The following NMNAT2 variants were observed in gnomAD, a reference collection of about 807,000 sequenced individuals.
The protein encoded by NMNAT2 is nicotinamide nucleotide adenylyltransferase 2, also known as nicotinamide/nicotinic acid mononucleotide adenylyltransferase 2.
A neutral mutation model predicts 41.6 loss-of-function variants in NMNAT2; 11 were observed. The observed-to-expected ratio is 0.26, with a 90% confidence interval of 0.17 to 0.44. The LOEUF (loss-of-function observed/expected upper bound fraction) is 0.44. NMNAT2 is among the 20% of genes least tolerant of loss of function. The pLI is 1.00. For missense variants in NMNAT2, 288 were observed against 407.7 expected (o/e 0.71, Z 2.53); for synonymous variants, 148 against 151.2 (o/e 0.98, Z 0.16).
intron 1 of NMNAT2, among the ~76,000 whole-genome samples, chr1:183,348,311 C>T (rs138518284): frequency 3.3e-5 from 5 of 152,200 alleles, no homozygotes; most frequent in Admixed American, 6.5e-5. Flanking sequence ...TATGTAAGTG[C>T]ACACACAGAC....
intron 1 of NMNAT2, among the ~76,000 whole-genome samples, chr1:183,313,511 G>C (rs375811199): frequency 6.6e-6 from 1 of 152,036 alleles, no homozygotes; most frequent in Non-Finnish European, 1.5e-5. Flanking sequence ...ATGGAGTCTC[G>C]CTCTTTTGCC....
intron 1 of NMNAT2, among the ~76,000 whole-genome samples, chr1:183,398,038 AG>A (rs1648702898): frequency 6.6e-6 from 1 of 152,246 alleles, no homozygotes; most frequent in Admixed American, 6.5e-5. Context: ...TCATAATGAC[AG>A]GATCAAATTC....
intron 1 of NMNAT2, among the ~76,000 whole-genome samples, chr1:183,334,767 C>A (rs1180112136): frequency 6.6e-6 from 1 of 151,748 alleles, no homozygotes; most frequent in African/African-American, 2.4e-5. Flanking sequence ...ATCTCAGCCT[C>A]CCAAAGTGCT....
intron 1 of NMNAT2, among the ~76,000 whole-genome samples, chr1:183,349,613 TG>T (rs1381260038): frequency 6.6e-6 from 1 of 152,248 alleles, no homozygotes; most frequent in Non-Finnish European, 1.5e-5. Flanking sequence ...TGTCTAGTGC[TG>T]AGTGTGCTGT....
chr1:183,368,524 A>T (rs979215325), intron 1 of NMNAT2, among the ~76,000 whole-genome samples: 1 of 152,204 alleles, frequency 6.6e-6, no homozygotes, highest in Non-Finnish European at 1.5e-5. Context: ...AGAAGTCTGA[A>T]GATCTGAAGG....
At chr1:183,313,220 C>T (rs1380469842) in intron 1 of NMNAT2, among the ~76,000 whole-genome samples, 1 of 151,954 alleles carries the variant, frequency 6.6e-6, no homozygotes, top group East Asian at 1.9e-4. Context: ...TGTTAAAATA[C>T]TTGTGATTTA....
At chr1:183,364,723 A>T (rs956512882) in intron 1 of NMNAT2, among the ~76,000 whole-genome samples, 2 of 83,654 alleles carry the variant, frequency 2.4e-5, no homozygotes, top group Non-Finnish European at 5.4e-5. Flanking sequence ...ACGGAGTCTC[A>T]CACCGTCTCC....
chr1:183,272,814 G>T (rs1171343888), intron 8 of NMNAT2, among the ~76,000 whole-genome samples: 1 of 152,196 alleles, frequency 6.6e-6, no homozygotes, highest in Non-Finnish European at 1.5e-5. Flanking sequence ...TGAACCAGTG[G>T]CATCCCTCCT....
chr1:183,292,684 C>T (rs1661575172), intron 3 of NMNAT2, 106 bp downstream of exon 3: 22 of 1,027,714 alleles, frequency 2.1e-5, no homozygotes, highest in Non-Finnish European at 3.3e-5. Flanking sequence ...CCCTGCCTCC[C>T]CATCCTTTCA....
chr1:183,295,462 C>G (rs765924777), intron 1 of NMNAT2, among the ~76,000 whole-genome samples: 1 of 152,132 alleles, frequency 6.6e-6, no homozygotes, highest in Non-Finnish European at 1.5e-5. Context: ...TGCAGTTTCC[C>G]CCATTATATT....
intron 1 of NMNAT2, among the ~76,000 whole-genome samples, chr1:183,369,070 G>A (rs556313236): frequency 3.3e-5 from 5 of 152,200 alleles, no homozygotes; most frequent in African/African-American, 9.6e-5. Flanking sequence ...AGCAGCAGGT[G>A]TGCACTACGC....
intron 7 of NMNAT2, chr1:183,283,380 C>T (rs1661317211): frequency 6.5e-6 from 1 of 154,566 alleles, no homozygotes. Context: ...ATTCTGAAAC[C>T]CTGGGAAGAT....
At chr1:183,341,870 T>G (rs1288715028) in intron 1 of NMNAT2, among the ~76,000 whole-genome samples, 1 of 151,998 alleles carries the variant, frequency 6.6e-6, no homozygotes, top group Non-Finnish European at 1.5e-5. Flanking sequence ...ATCAAAGTAG[T>G]TATACTACCT....
At chr1:183,290,540 TAAC>T in intron 3 of NMNAT2, 1 of 241,276 alleles carries the variant, frequency 4.1e-6, no homozygotes, top group Non-Finnish European at 8.0e-6. Context: ...AAAATGGGAA[TAAC>T]AATAGTAACG....
intron 10 of NMNAT2, among the ~76,000 whole-genome samples, chr1:183,255,224 A>G (rs1571552772): frequency 6.6e-6 from 1 of 152,252 alleles, no homozygotes; most frequent in East Asian, 1.9e-4. Context: ...TCAGTTGACC[A>G]TATATGTTTG....
chr1:183,304,612 G>A, intron 1 of NMNAT2: 1 of 1,492,134 alleles, frequency 6.7e-7, no homozygotes, highest in Non-Finnish European at 9.3e-7. Context: ...TTGACCATCT[G>A]CACCTCCCTC....
chr1:183,254,325 C>T (rs774718758), intron 10 of NMNAT2, among the ~76,000 whole-genome samples: 77 of 152,072 alleles, frequency 5.1e-4, no homozygotes, highest in Non-Finnish European at 9.3e-4. Context: ...ATTTTTATTT[C>T]CCTGGTGATT....
At chr1:183,297,388 T>C (rs1268190645) in intron 1 of NMNAT2, among the ~76,000 whole-genome samples, 1 of 149,262 alleles carries the variant, frequency 6.7e-6, no homozygotes, top group East Asian at 1.9e-4. Context: ...GAACCCTTTT[T>C]TTTTTTTTTT....
chr1:183,316,336 C>G (rs1473577274), intron 1 of NMNAT2, among the ~76,000 whole-genome samples: 1 of 152,312 alleles, frequency 6.6e-6, no homozygotes, highest in East Asian at 1.9e-4. Context: ...TCCTCCCTGA[C>G]ATAAATGGCT....
Sources: gnomAD v4.1 joint callset for allele counts (sites outside exome capture counted in the v4.1 genomes callset) on GRCh38, gnomAD v4.1.1 for gene constraint, MANE v1.5 for transcripts, NCBI Gene and HGNC (gene_info 2026-07-23, HGNC 2026-07-21) for gene names.